Variants in PREX1 observed in about 807,000 individuals in gnomAD.
The protein encoded by PREX1 is phosphatidylinositol 3,4,5-trisphosphate-dependent Rac exchanger 1 protein.
Under a neutral mutation model 198.3 loss-of-function variants are expected in PREX1, and 41 were observed. That is an observed-to-expected ratio of 0.21 (90% CI 0.16 to 0.27). The LOEUF is 0.27. PREX1 is among the 10% of genes least tolerant of loss of function. PREX1 has a pLI of 1.00. For missense variants in PREX1, 1,620 were observed against 2,200.7 expected (o/e 0.74, Z 5.28); for synonymous variants, 843 against 887.2 (o/e 0.95, Z 0.89).
At chr20:48,645,676 T>C (rs1056390526) in intron 26 of PREX1, among the ~76,000 whole-genome samples, 175 bp downstream of exon 26, 6 of 152,058 alleles carry the variant, frequency 3.9e-5, no homozygotes, top group Non-Finnish European at 8.8e-5. Flanking sequence ...CCTAAGTGGG[T>C]CTTCCAGGCT....
At chr20:48,628,125 C>T (rs73135753) in intron 37 of PREX1, among the ~76,000 whole-genome samples, 162 bp from the exon 38 acceptor site, 11,232 of 152,130 alleles carry the variant, frequency 0.074, 469 homozygotes, top group South Asian at 0.15. Context: ...CTCCTCCTGC[C>T]GTCCCTCCCC....
At chr20:48,632,755 C>T in intron 33 of PREX1, 116 bp from the exon 34 acceptor site, 1 of 1,147,198 alleles carries the variant, frequency 8.7e-7, no homozygotes, top group Non-Finnish European at 1.2e-6. Flanking sequence ...GGGGGGCACC[C>T]TGGGACCTCC....
chr20:48,778,715 C>T (rs1462696800), intron 1 of PREX1, among the ~76,000 whole-genome samples: 3 of 152,294 alleles, frequency 2.0e-5, no homozygotes, highest in East Asian at 1.9e-4. Context: ...CAAATATGGC[C>T]GTTTGACTTT....
chr20:48,818,567 A>T (rs1434700409), intron 1 of PREX1, among the ~76,000 whole-genome samples: 10 of 152,232 alleles, frequency 6.6e-5, no homozygotes. Flanking sequence ...GGCCCTGGCC[A>T]TTCCCGGCTG....
chr20:48,702,191 G>A (rs1477490802), intron 6 of PREX1, among the ~76,000 whole-genome samples: 1 of 146,698 alleles, frequency 6.8e-6, no homozygotes, highest in Non-Finnish European at 1.5e-5. Context: ...CTGGGCGACT[G>A]AGCAGGACTC....
At position 48,731,881 on chromosome 20, in the gene PREX1, C is replaced by T. The variant is rs554221048; in HGVS notation, c.519+2665G>A. On this transcript the variant is annotated intron_variant, in intron 4 of 39. Transcript: ENST00000371941. ...GAAAGAAAGAAAGAAGTCAGTCCTTCCCTTCCCTTCCCACACCCTGCACAC... is the reference window on the plus strand; with the variant it reads ...GAAAGAAAGAAAGAAGTCAGTCCTTTCCTTCCCTTCCCACACCCTGCACAC... Among the ~76,000 whole-genome samples the T allele has an allele frequency of 3.9e-5, 6 of 152,342 alleles. No individual in the cohort carries two copies. The South Asian group carries it at 1.2e-3, about 32-fold the overall frequency.
upstream of PREX1, among the ~76,000 whole-genome samples, chr20:48,828,764 C>T (rs1339239393): frequency 6.6e-6 from 1 of 152,224 alleles, no homozygotes; most frequent in Admixed American, 6.5e-5. Context: ...GAAATTATTA[C>T]CTGCTCTTGA....
At chr20:48,817,195 G>A (rs2090463044) in intron 1 of PREX1, among the ~76,000 whole-genome samples, 1 of 152,184 alleles carries the variant, frequency 6.6e-6, no homozygotes, top group South Asian at 2.1e-4. Flanking sequence ...TTCAATCTTC[G>A]GAGGGATTGC....
intron 14 of PREX1, among the ~76,000 whole-genome samples, chr20:48,669,069 G>A (rs1443929872): frequency 6.6e-6 from 1 of 152,014 alleles, no homozygotes; most frequent in East Asian, 1.9e-4. Flanking sequence ...TGGGAAGGAT[G>A]CAATTTCTCC....
intron 15 of PREX1, among the ~76,000 whole-genome samples, chr20:48,665,706 A>C (rs2089634624): frequency 6.6e-6 from 1 of 152,214 alleles, no homozygotes; most frequent in Admixed American, 6.5e-5. Context: ...CTGAACACTA[A>C]CTTTTGTTGT....
intron 1 of PREX1, among the ~76,000 whole-genome samples, chr20:48,771,127 C>T (rs190268478): frequency 2.0e-5 from 3 of 151,964 alleles, no homozygotes; most frequent in South Asian, 2.1e-4. Context: ...CCTTCCATGG[C>T]GTCTCCTGCA....
At chr20:48,681,678 A>AGATGGATGGATGGATGGATGGATGGATG (rs376886223) in intron 10 of PREX1, among the ~76,000 whole-genome samples, 4 of 150,090 alleles carry the variant, frequency 2.7e-5, no homozygotes, top group African/African-American at 5.0e-5. Flanking sequence ...GTGACTACAT[A>AGATGGATGGATGGATGGATGGATGGATG]GATGGATGGA....
At chr20:48,836,436 A>G in the PREX1 span, among the ~76,000 whole-genome samples, 1 of 152,134 alleles carries the variant, frequency 6.6e-6, no homozygotes, top group Non-Finnish European at 1.5e-5. Context: ...GACAGTTCCA[A>G]TTGTCCACAG....
intron 1 of PREX1, among the ~76,000 whole-genome samples, chr20:48,818,863 G>A (rs1412148696): frequency 6.6e-6 from 1 of 152,232 alleles, no homozygotes; most frequent in Non-Finnish European, 1.5e-5. Context: ...TGCCTTCACA[G>A]CTCATCCACA....
intron 1 of PREX1, among the ~76,000 whole-genome samples, chr20:48,769,466 C>T (rs757401524): frequency 1.3e-5 from 2 of 152,180 alleles, no homozygotes; most frequent in African/African-American, 4.8e-5. Flanking sequence ...GGGCCGGCTT[C>T]GTACATCAAA....
the PREX1 span, among the ~76,000 whole-genome samples, chr20:48,873,550 AAT>A: frequency 1.4e-5 from 2 of 140,220 alleles, no homozygotes; most frequent in African/African-American, 2.7e-5. Context: ...CTCTAGTAAA[AAT>A]ACAAAAAAAA....
chr20:48,673,469 T>C (rs1164346125), intron 14 of PREX1, among the ~76,000 whole-genome samples: 5 of 152,222 alleles, frequency 3.3e-5, no homozygotes, highest in Admixed American at 2.6e-4. Context: ...TCCCCTATGC[T>C]TTGACACCAA....
At chr20:48,650,708 C>T (rs71351936) in intron 23 of PREX1, among the ~76,000 whole-genome samples, 186 bp downstream of exon 23, 15,537 of 152,258 alleles carry the variant, frequency 0.1, 1,082 homozygotes, top group Non-Finnish European at 0.16. Context: ...CCAGGAGATG[C>T]GGAGAGGCCG....
chr20:48,825,346 G>A (rs6012538), intron 1 of PREX1, among the ~76,000 whole-genome samples: 38,378 of 152,048 alleles, frequency 0.25, 5,622 homozygotes, highest in Non-Finnish European at 0.33. Context: ...GGGAAACTGA[G>A]GTCAGGACAC....
Sources: gnomAD v4.1 joint callset for allele counts (sites outside exome capture counted in the v4.1 genomes callset) on GRCh38, gnomAD v4.1.1 for gene constraint, MANE v1.5 for transcripts, NCBI Gene and HGNC (gene_info 2026-07-23, HGNC 2026-07-21) for gene names.